CHID1: variants seen among roughly 807,000 people sequenced by gnomAD.
CHID1 encodes chitinase domain-containing protein 1.
In CHID1, 44 loss-of-function variants were observed where a neutral mutation model predicts 55.4. The ratio of observed to expected loss-of-function variants is 0.79; its 90% CI spans 0.62 to 1.02. The LOEUF is 1.02. CHID1 is among the 50% of genes least tolerant of loss of function. The pLI is 0.00. For synonymous variants in CHID1, 216 were observed against 212.9 expected (o/e 1.01, Z -0.13); for missense variants, 491 against 515.3 (o/e 0.95, Z 0.46).
intron 4 of CHID1, among the ~76,000 whole-genome samples, chr11:901,481 G>A (rs531382828): frequency 2.2e-4 from 33 of 152,278 alleles, no homozygotes; most frequent in African/African-American, 6.5e-4. Flanking sequence ...AACGCAAGGC[G>A]CAGCCACGTA....
chr11:907,207 C>A (rs1006366437), intron 1 of CHID1, among the ~76,000 whole-genome samples: 1 of 152,122 alleles, frequency 6.6e-6, no homozygotes, highest in African/African-American at 2.4e-5. Flanking sequence ...TCCGGCCGGG[C>A]GCGGTGGCTC....
At chr11:895,536 T>C (rs1236665943) in intron 7 of CHID1, among the ~76,000 whole-genome samples, 1 of 152,174 alleles carries the variant, frequency 6.6e-6, no homozygotes, top group Non-Finnish European at 1.5e-5. Flanking sequence ...CTGGCACTGG[T>C]GGCTCCGAGC....
At chr11:914,451 G>T (rs1329454092), upstream of CHID1, 4 of 1,095,142 alleles carry the variant, frequency 3.7e-6, no homozygotes, top group African/African-American at 4.8e-5. Context: ...GGCCGGTGGG[G>T]TGAGGAGGCC....
intron 8 of CHID1, among the ~76,000 whole-genome samples, chr11:893,032 G>A (rs1809368031): frequency 6.6e-6 from 1 of 152,246 alleles, no homozygotes; most frequent in Non-Finnish European, 1.5e-5. Flanking sequence ...GGCTGCAGAG[G>A]TGCAGAGGGC....
At chr11:899,204 T>C in intron 7 of CHID1, 136 bp downstream of exon 7, 1 of 797,614 alleles carries the variant, frequency 1.3e-6, no homozygotes, top group Non-Finnish European at 2.0e-6. Context: ...GTCCATCTTT[T>C]GTGCAGCCCC....
intron 8 of CHID1, among the ~76,000 whole-genome samples, chr11:885,862 G>T (rs972395676): frequency 6.6e-6 from 1 of 152,124 alleles, no homozygotes; most frequent in Non-Finnish European, 1.5e-5. Context: ...GATTCAAAAA[G>T]GAAAAATGGG....
In CHID1 at chr11:910,691, C is replaced by T. The variant is rs549745662; in HGVS notation, c.-44+84G>A. The T allele has an allele frequency of 3.5e-4, 447 of 1,262,010 alleles. 9 individuals carry two copies. In the South Asian group the frequency reaches 5.4e-3, roughly 15 times the overall value. The allele number at this position is 1,262,010 out of a possible 1,614,324, so 78.2% of individuals were successfully genotyped here. On this transcript the variant is annotated intron_variant, in intron 1 of 12. Coordinates refer to ENST00000323578, the MANE Select transcript of CHID1 (RefSeq NM_023947.4). ...CGCCCGTCCTCCCGGGGCCGAGCCTCGCTGCCCGGCGCGCCCACTTTGCGG... is the reference window on the plus strand; with the variant it reads ...CGCCCGTCCTCCCGGGGCCGAGCCTTGCTGCCCGGCGCGCCCACTTTGCGG...
chr11:871,742 C>T (rs114671373), intron 10 of CHID1, among the ~76,000 whole-genome samples: 132 of 152,330 alleles, frequency 8.7e-4, no homozygotes, highest in African/African-American at 2.9e-3. Flanking sequence ...GGACCTGGGC[C>T]GTGTGGCATG....
chr11:888,649 G>A (rs1345002799), intron 8 of CHID1, among the ~76,000 whole-genome samples: 2 of 152,252 alleles, frequency 1.3e-5, no homozygotes, highest in African/African-American at 2.4e-5. Flanking sequence ...CCGGGAGGAA[G>A]GAAAGAAGGA....
intron 10 of CHID1, among the ~76,000 whole-genome samples, chr11:878,736 C>G (rs2134144191): frequency 6.6e-6 from 1 of 151,986 alleles, no homozygotes; most frequent in East Asian, 1.9e-4. Flanking sequence ...GAGTCTCGCA[C>G]TGTTGCCCAG....
chr11:902,079 C>G (rs538659778), intron 4 of CHID1, 119 bp downstream of exon 4: 7 of 1,124,594 alleles, frequency 6.2e-6, no homozygotes, highest in Non-Finnish European at 9.1e-6. Flanking sequence ...GACACACACA[C>G]ACTCCCATAC....
chr11:895,149 G>A (rs1851167526), intron 7 of CHID1, among the ~76,000 whole-genome samples: 1 of 152,176 alleles, frequency 6.6e-6, no homozygotes, highest in East Asian at 1.9e-4. Context: ...AGTAAGCCCT[G>A]CCCAGATGCC....
At chr11:877,035 G>A (rs1849566336) in intron 10 of CHID1, among the ~76,000 whole-genome samples, 1 of 152,282 alleles carries the variant, frequency 6.6e-6, no homozygotes, top group East Asian at 1.9e-4. Flanking sequence ...TCGGGTGGGC[G>A]AGGAGGGCAG....
chr11:908,628 T>A (rs1852409697), intron 1 of CHID1: 1 of 985,192 alleles, frequency 1.0e-6, no homozygotes, highest in African/African-American at 1.7e-5. Flanking sequence ...GCTCCTTCTC[T>A]GTCTTCTGGG....
chr11:914,483 T>C (rs1852844619), upstream of CHID1: 4 of 1,273,784 alleles, frequency 3.1e-6, no homozygotes, highest in African/African-American at 4.6e-5. Context: ...GTGTTTCTGC[T>C]GCTGACTGGA....
At position 906,342 on chromosome 11, in the gene CHID1, G is replaced by A. The variant is rs375235646; in HGVS notation, c.-43-1483C>T. Among the ~76,000 whole-genome samples the A allele has an allele frequency of 1.4e-3, 206 of 151,750 alleles. 2 individuals carry two copies. The highest frequency in any genetic ancestry group is 3.6e-3 in the African/African-American group (148 of 41,328). ...CAACCTCCACCTCCTGGGTTCAAGC[G>A]ATTCTCCTACCTCAGCCTCCCGAGT... On this transcript the variant is annotated intron_variant, in intron 1 of 12. Coordinates refer to ENST00000323578, the MANE Select transcript of CHID1 (RefSeq NM_023947.4).
upstream of CHID1, chr11:914,519 T>C: frequency 1.6e-6 from 2 of 1,288,726 alleles, no homozygotes; most frequent in Non-Finnish European, 2.0e-6. Flanking sequence ...ACCCCATGCC[T>C]TACCTGGGAT....
intron 1 of CHID1, among the ~76,000 whole-genome samples, chr11:905,401 C>T (rs1852136551): frequency 6.6e-6 from 1 of 152,192 alleles, no homozygotes. Flanking sequence ...GGTGCGGTGG[C>T]TTATGCCTGT....
intron 1 of CHID1, among the ~76,000 whole-genome samples, chr11:905,896 G>T (rs1006364486): frequency 1.3e-5 from 2 of 152,108 alleles, no homozygotes; most frequent in Non-Finnish European, 2.9e-5. Context: ...AAATAAAGAA[G>T]GAAATGTGAA....
Sources: allele counts gnomAD v4.1 joint callset (sites outside exome capture counted in the v4.1 genomes callset), GRCh38; gene constraint gnomAD v4.1.1; transcripts MANE v1.5; gene names NCBI Gene and HGNC (gene_info 2026-07-23, HGNC 2026-07-21).